SLF1: variants seen among roughly 807,000 people sequenced by gnomAD.
SLF1 encodes the protein SMC5-SMC6 complex localization factor protein 1.
A neutral mutation model predicts 123.0 loss-of-function variants in SLF1; 105 were observed. The ratio of observed to expected loss-of-function variants is 0.85; its 90% CI spans 0.73 to 1.00. The LOEUF is 1.00. Among genes scored for constraint, SLF1 ranks in the 50% least tolerant of loss-of-function variants. The probability of loss-of-function intolerance (pLI) is 0.00; values close to 1 mark genes in which losing one functional copy is unlikely to be tolerated. For synonymous variants in SLF1, 434 were observed against 406.6 expected, an observed-to-expected ratio of 1.07 and a Z score of -0.81; for missense variants, 1,239 against 1,223.0, an observed-to-expected ratio of 1.01 and a Z score of -0.20.
chr5:94,619,858 T>C (rs1791527546), intron 1 of SLF1, among the ~76,000 whole-genome samples: 1 of 152,188 alleles, frequency 6.6e-6, no homozygotes, highest in South Asian at 2.1e-4. Flanking sequence ...TTCTTTATTT[T>C]CTTTTCTTAC....
chr5:94,630,871 G>C, intron 4 of SLF1, 128 bp downstream of exon 4: 2 of 1,013,032 alleles, frequency 2.0e-6, no homozygotes, highest in Middle Eastern at 3.2e-4. Flanking sequence ...CAATCTCCTA[G>C]GTAAGCCATT....
intron 9 of SLF1, 83 bp downstream of exon 9, chr5:94,654,835 A>G: frequency 9.9e-7 from 1 of 1,006,732 alleles, no homozygotes; most frequent in Non-Finnish European, 1.3e-6. Flanking sequence ...ATACATATAT[A>G]CATATGATTC....
chr5:94,647,148 G>A (rs889803317), intron 5 of SLF1, among the ~76,000 whole-genome samples: 1 of 152,078 alleles, frequency 6.6e-6, no homozygotes, highest in Admixed American at 6.5e-5. Context: ...CCCATTTTGA[G>A]TATTATTAGA....
At position 94,688,542 on chromosome 5, in the gene SLF1, G is replaced by A. The variant is rs374474417; in HGVS notation, c.2158G>A (p.Val720Met). The A allele has an allele frequency of 4.3e-6, 7 of 1,613,932 alleles. No homozygotes were observed. Among genetic ancestry groups the A allele is most frequent in the South Asian group, 2.2e-5 (2 of 91,080 alleles). ...TTTACCAGCCTTGGGGAAAACTGGT[G>A]TGCTTGGGTCTGGAAAGATTCAGGT... ...SYLPALGKTGVLGSGKIQVSK... is the reference protein window; with the variant it reads ...SYLPALGKTGMLGSGKIQVSK... The change falls in exon 17 of 21, where the codon GTG (valine) becomes ATG (methionine). Residue 720 changes from valine to methionine, a missense_variant. Coordinates refer to ENST00000265140, the MANE Select transcript of SLF1 (RefSeq NM_032290.4).
intron 15 of SLF1, among the ~76,000 whole-genome samples, chr5:94,685,761 G>T (rs909115665): frequency 2.6e-5 from 4 of 151,702 alleles, no homozygotes; most frequent in Non-Finnish European, 5.9e-5. Context: ...CTTGAACCTG[G>T]GAGGCGGAGG....
chr5:94,629,084 C>A lies in SLF1; in HGVS notation c.115-8C>A. 1 of 1,529,452 alleles carries A rather than the reference C, an allele frequency of 6.5e-7. No homozygotes were observed. Among genetic ancestry groups the A allele is most frequent in the Non-Finnish European group, 8.8e-7 (1 of 1,136,744 alleles). 94.7% of individuals were successfully genotyped at this position (1,529,452 alleles called of 1,614,324 possible). ...GTAACATTTCTTGATGTGGATTTTT[C>A]CCTCCAGAAATACAAAAATTGTACA... On this transcript the variant is annotated splice_region_variant and splice_polypyrimidine_tract_variant and intron_variant, in intron 2 of 20. Transcript: ENST00000265140.
intron 14 of SLF1, 111 bp downstream of exon 14, chr5:94,671,119 C>T (rs1356625611): frequency 7.7e-6 from 6 of 779,546 alleles, no homozygotes; most frequent in Non-Finnish European, 9.6e-6. Context: ...TTAAAATGTA[C>T]CCAAATATAT....
chr5:94,624,186 A>G (rs1792033521), intron 1 of SLF1, among the ~76,000 whole-genome samples: 1 of 152,186 alleles, frequency 6.6e-6, no homozygotes, highest in African/African-American at 2.4e-5. Flanking sequence ...TTTATGGATA[A>G]TGTTTGAATC....
chr5:94,673,461 G>A (rs1047343503), intron 14 of SLF1, among the ~76,000 whole-genome samples: 3 of 151,826 alleles, frequency 2.0e-5, no homozygotes, highest in Non-Finnish European at 2.9e-5. Flanking sequence ...GATTGCTTGC[G>A]GCCAGGAGCT....
Position 94,695,385 on chromosome 5 carries a change from C to G in SLF1, c.*73C>G. On this transcript the variant is annotated 3_prime_UTR_variant, in exon 21 of 21. Transcript: ENST00000265140. ...TTGGTACTTACTGTGGACTTCATAG[C>G]TTACTGACAGATAGTAATTTGATTT... 1 of 1,408,520 alleles carries G rather than the reference C, an allele frequency of 7.1e-7. No homozygotes were observed. The highest frequency in any genetic ancestry group is 2.6e-5 in the Admixed American group (1 of 39,040). The allele number at this position is 1,408,520 out of a possible 1,614,324, so 87.3% of individuals were successfully genotyped here. A position where few individuals can be genotyped will look rare whatever the true frequency, so the allele number is the denominator to read the frequency against.
intron 12 of SLF1, 70 bp from the exon 13 acceptor site, chr5:94,670,081 A>G: frequency 7.1e-7 from 1 of 1,410,030 alleles, no homozygotes; most frequent in African/African-American, 1.5e-5. Flanking sequence ...CTAGAAGGAG[A>G]AATATTTTGT....
At chr5:94,626,002 C>T (rs1374456453) in intron 1 of SLF1, among the ~76,000 whole-genome samples, 1 of 151,906 alleles carries the variant, frequency 6.6e-6, no homozygotes, top group Non-Finnish European at 1.5e-5. Flanking sequence ...CGCTTGTAAT[C>T]CCAGCACTTG....
At chr5:94,667,725 A>G (rs1749961147) in intron 12 of SLF1, among the ~76,000 whole-genome samples, 1 of 151,528 alleles carries the variant, frequency 6.6e-6, no homozygotes, top group Non-Finnish European at 1.5e-5. Context: ...TGTTTTCCGA[A>G]TTTCCTAGCT....
At chr5:94,627,585 C>CATATATATATATATATATATATATAT (rs58847356) in intron 1 of SLF1, among the ~76,000 whole-genome samples, 1 of 86,822 alleles carries the variant, frequency 1.2e-5, no homozygotes, top group Non-Finnish European at 2.4e-5. Context: ...ATGAAATTAA[C>CATATATATATATATATATATATATAT]ATATATATAT....
intron 4 of SLF1, among the ~76,000 whole-genome samples, chr5:94,643,020 T>C (rs1233927082): frequency 6.6e-6 from 1 of 152,128 alleles, no homozygotes; most frequent in Non-Finnish European, 1.5e-5. Context: ...TTAATATTCT[T>C]GGTCCCTAAA....
rs1430897223 is a variant in SLF1 at position 94,697,046 on chromosome 5, G to A, written c.*1734G>A. The A allele has an allele frequency of 6.6e-6, 1 of 151,812 alleles. No homozygotes were observed. The highest frequency in any genetic ancestry group is 1.9e-4 in the East Asian group (1 of 5,152). 9.4% of individuals were successfully genotyped at this position (151,812 alleles called of 1,614,324 possible). A position where few individuals can be genotyped will look rare whatever the true frequency, so the allele number is the denominator to read the frequency against. ...GGTTTTATACTGTTAGTACAAAGTA[G>A]TTTTCCAAATTAGATGTTCATAACG... On this transcript the variant is annotated 3_prime_UTR_variant, in exon 21 of 21. Coordinates refer to ENST00000265140, the MANE Select transcript of SLF1 (RefSeq NM_032290.4).
At chr5:94,653,558 A>G (rs1748000003) in intron 8 of SLF1, 137 bp downstream of exon 8, 8 of 737,094 alleles carry the variant, frequency 1.1e-5, no homozygotes, top group Non-Finnish European at 1.6e-5. Context: ...TTAATATTCC[A>G]GTTAACTTTG....
intron 1 of SLF1, among the ~76,000 whole-genome samples, chr5:94,621,052 T>G (rs1791741232): frequency 6.6e-6 from 1 of 152,198 alleles, no homozygotes; most frequent in Non-Finnish European, 1.5e-5. Flanking sequence ...GCACTGTTAT[T>G]TTACTGAAAA....
chr5:94,627,575 A>G (rs1368189375), intron 1 of SLF1, among the ~76,000 whole-genome samples: 32 of 108,048 alleles, frequency 3.0e-4, no homozygotes, highest in African/African-American at 1.0e-3. Context: ...CTTGTAAATG[A>G]TGAAATTAAC....
Sources: gnomAD v4.1 joint callset for allele counts (sites outside exome capture counted in the v4.1 genomes callset) on GRCh38, gnomAD v4.1.1 for gene constraint, MANE v1.5 for transcripts, NCBI Gene and HGNC (gene_info 2026-07-23, HGNC 2026-07-21) for gene names.